ASTE1: variants seen among roughly 807,000 people sequenced by gnomAD.
ASTE1 encodes asteroid structure-specific endonuclease 1.
ASTE1 carries 49 observed loss-of-function variants against 45.8 expected under a neutral mutation model. The observed-to-expected ratio is 1.07, with a 90% confidence interval of 0.85 to 1.36. ASTE1 has a LOEUF of 1.36. Among genes scored for constraint, ASTE1 ranks in the 40% most tolerant of loss-of-function variants. The pLI, the probability that ASTE1 is intolerant of heterozygous loss-of-function variation, is 0.00. For synonymous variants in ASTE1, 296 were observed against 303.9 expected, an observed-to-expected ratio of 0.97 and a Z score of 0.27; for missense variants, 709 against 804.0, an observed-to-expected ratio of 0.88 and a Z score of 1.43.
intron 1 of ASTE1, chr3:131,026,240 C>G (rs1368377040): frequency 6.6e-6 from 1 of 152,232 alleles, no homozygotes; most frequent in African/African-American, 2.4e-5. Flanking sequence ...TTATCTCACC[C>G]TAGTTCCAGC....
chr3:131,024,006 T>A lies in ASTE1; in HGVS notation c.1301A>T (p.Glu434Val). 1 of 1,582,608 alleles carries A rather than the reference T, an allele frequency of 6.3e-7. No individual in the cohort carries two copies. The highest frequency in any genetic ancestry group is 2.2e-5 in the East Asian group (1 of 44,458). The part of the protein sequence containing the change: ...KDHSDLSRLT[E>V]LSLRRRQMLL... Reference sequence around the variant, plus strand: ...TTCATTAGTATTACAAATACTTACCTCAGTCAATCTGCTTAAGTCAGAATG... The same window carrying A: ...TTCATTAGTATTACAAATACTTACCACAGTCAATCTGCTTAAGTCAGAATG... The change falls in exon 3 of 6, where the codon GAG (glutamate) becomes GTG (valine). Residue 434 changes from glutamate (E) to valine (V), a missense_variant and splice_region_variant. Glu to Val is a moderately radical substitution (Grantham distance 121, BLOSUM62 -2). Coordinates refer to ENST00000264992, the MANE Select transcript of ASTE1 (RefSeq NM_014065.4).
At chr3:131,017,552 T>G (rs1251519338) in intron 4 of ASTE1, among the ~76,000 whole-genome samples, 1 of 152,202 alleles carries the variant, frequency 6.6e-6, no homozygotes, top group Non-Finnish European at 1.5e-5. Context: ...TTATGCATGT[T>G]TATACAGTGT....
chr3:131,021,040 T>G (rs1293994143), intron 3 of ASTE1, among the ~76,000 whole-genome samples: 1 of 152,224 alleles, frequency 6.6e-6, no homozygotes, highest in African/African-American at 2.4e-5. Context: ...AAAAACATTT[T>G]CATGACCGTG....
intron 3 of ASTE1, among the ~76,000 whole-genome samples, chr3:131,023,273 T>C (rs1450323429): frequency 6.6e-6 from 1 of 152,182 alleles, no homozygotes; most frequent in African/African-American, 2.4e-5. Flanking sequence ...GGCATTGCAA[T>C]TGTTTTTTTT....
At chr3:131,017,310 A>ATTCT (rs2063664337) in intron 4 of ASTE1, among the ~76,000 whole-genome samples, 1 of 152,224 alleles carries the variant, frequency 6.6e-6, no homozygotes, top group Non-Finnish European at 1.5e-5. Flanking sequence ...ATGCTGTTTC[A>ATTCT]TTCTTTTATC....
chr3:131,015,229 CTCAT>C, intron 5 of ASTE1: 1 of 702,204 alleles, frequency 1.4e-6, no homozygotes, highest in South Asian at 1.5e-5. Flanking sequence ...TCCATATATC[CTCAT>C]TCAAAGTATT....
At position 131,014,149 on chromosome 3, in the gene ASTE1, G is replaced by A. The variant is rs2063462345; in HGVS notation, c.1948C>T (p.His650Tyr). Residue 650 changes from histidine to tyrosine, a missense_variant, in exon 6 of 6, where the codon CAC becomes TAC. Coordinates refer to ENST00000264992, the MANE Select transcript of ASTE1 (RefSeq NM_014065.4). ...CSKNRGRTTA[H>Y]TKCWYEGNNR... is the part of the protein sequence containing the mutation. ...TTTCCCTCATACCAACACTTGGTGTGTGCAGTGGTTCTCCCTCTGTTCTTA... is the reference window on the plus strand; with the variant it reads ...TTTCCCTCATACCAACACTTGGTGTATGCAGTGGTTCTCCCTCTGTTCTTA... The A allele has an allele frequency of 1.2e-6, 2 of 1,613,362 alleles. No homozygotes were observed. Among genetic ancestry groups the A allele is most frequent in the Non-Finnish European group, 1.7e-6 (2 of 1,179,924 alleles).
In ASTE1 at chr3:131,024,985, C is replaced by T; in HGVS notation, c.322G>A (p.Val108Ile). Residue 108 changes from valine (V) to isoleucine (I), a missense_variant, in exon 3 of 6, where the codon GTT (valine) becomes ATT (isoleucine). Coordinates refer to ENST00000264992, the MANE Select transcript of ASTE1 (RefSeq NM_014065.4). ...GGACATACGTACCCACTCCCACCAA[C>T]AGAAAGGGAATGGGCCATCTGGATC... ...EKIQMAHSLS[V>I]GGSGYVCPLL... 1 of 1,601,664 alleles carries T rather than the reference C, an allele frequency of 6.2e-7. No homozygotes were observed. Among genetic ancestry groups the T allele is most frequent in the East Asian group, 2.2e-5 (1 of 44,788 alleles).
Position 131,014,282 on chromosome 3 carries a change from T to C in ASTE1, c.1815A>G (p.Glu605=), listed in dbSNP as rs1003126791. Residue 605 remains glutamate (E), a synonymous_variant, in exon 6 of 6, where the codon GAA becomes GAG. Coordinates refer to ENST00000264992, the MANE Select transcript of ASTE1 (RefSeq NM_014065.4). ...SICPEAKQLY[E]YLFNATRSYA... The stretch of plus-strand genomic sequence containing the variant: ...ATGACCTTGTGGCATTGAATAGATA[T>C]TCATAAAGTTGCTTAGCCTCAGGAC... 14 of 1,613,962 alleles carry C rather than the reference T, an allele frequency of 8.7e-6. No homozygotes were observed. The highest frequency in any genetic ancestry group is 1.3e-5 in the African/African-American group (1 of 74,898).
At position 131,025,053 on chromosome 3, in the gene ASTE1, G is replaced by A. The variant is rs116662252; in HGVS notation, c.254C>T (p.Ser85Leu). Residue 85 changes from serine (S) to leucine (L), a missense_variant, in exon 3 of 6, where the codon TCA becomes TTA. Transcript: ENST00000264992. ...CTTTAAAGTTGTAAGCTTTTTATCT[G>A]AAATGTCACATCCTCCATCTAATAC... ...YVVLDGGCDI[S>L]DKKLTTLKDR... The A allele has an allele frequency of 1.2e-6, 2 of 1,606,486 alleles. No individual in the cohort carries two copies. Among genetic ancestry groups the A allele is most frequent in the South Asian group, 2.2e-5 (2 of 89,976 alleles).
intron 4 of ASTE1, among the ~76,000 whole-genome samples, chr3:131,018,034 T>TA (rs1394645151): frequency 7.6e-5 from 11 of 144,244 alleles, no homozygotes; most frequent in African/African-American, 2.5e-4. Flanking sequence ...ACTTACATAC[T>TA]AATTGAAACC....
At position 131,016,190 on chromosome 3, in the gene ASTE1, G is replaced by A. The variant is rs2063625817; in HGVS notation, c.1663C>T (p.Leu555Phe). 6.2e-7 allele frequency: 1 copy of A among 1,614,012 alleles called. No homozygotes were observed. Among genetic ancestry groups the A allele is most frequent in the African/African-American group, 1.3e-5 (1 of 74,908 alleles). ...AGAGGAGTGGACAGCAGCTGGTTGA[G>A]ATACATCCCCATCTGGAGACAGGAC... ...WQSCLQMGMY[L>F]NQLLSTPLPE... The change falls in exon 5 of 6, where the codon CTC becomes TTC. Residue 555 changes from leucine to phenylalanine, a missense_variant. By Grantham distance (22) the Leu-to-Phe change is conservative. Coordinates refer to ENST00000264992, the MANE Select transcript of ASTE1 (RefSeq NM_014065.4).
At chr3:131,015,215 T>A in intron 5 of ASTE1, 1 of 702,468 alleles carries the variant, frequency 1.4e-6, no homozygotes. Context: ...ATATTTTGTA[T>A]GCGTCCATAT....
chr3:131,017,407 A>G (rs1476184846), intron 4 of ASTE1, among the ~76,000 whole-genome samples: 1 of 152,256 alleles, frequency 6.6e-6, no homozygotes, highest in African/African-American at 2.4e-5. Flanking sequence ...GCCTATAGCC[A>G]TATGTAACTA....
chr3:131,017,352 C>T (rs889150702), intron 4 of ASTE1, among the ~76,000 whole-genome samples: 8 of 152,166 alleles, frequency 5.3e-5, no homozygotes, highest in African/African-American at 1.2e-4. Flanking sequence ...TAGAGTAGCA[C>T]GATCTAATAG....
chr3:131,020,885 C>T (rs1166230765), intron 3 of ASTE1, among the ~76,000 whole-genome samples: 1 of 152,122 alleles, frequency 6.6e-6, no homozygotes, highest in Admixed American at 6.5e-5. Flanking sequence ...CTCTACTTAG[C>T]AAGGAATATA....
chr3:131,014,498 GC>G, intron 5 of ASTE1, 111 bp from the exon 6 acceptor site: 16 of 1,013,482 alleles, frequency 1.6e-5, no homozygotes, highest in Non-Finnish European at 2.1e-5. Context: ...AGCTCTTATT[GC>G]TCTATAATAT....
chr3:131,025,680 A>G, intron 1 of ASTE1, 86 bp from the exon 2 acceptor site: 1 of 199,478 alleles, frequency 5.0e-6, no homozygotes, highest in Non-Finnish European at 1.0e-5. Context: ...AATAGTCAAC[A>G]TCTTACAGCA....
chr3:131,025,403 A>T (rs890265626), intron 2 of ASTE1, 71 bp downstream of exon 2: 2 of 1,507,422 alleles, frequency 1.3e-6, no homozygotes, highest in African/African-American at 2.8e-5. Context: ...TTCCAGCACC[A>T]TTAAATCAAT....
Sources: allele counts gnomAD v4.1 joint callset (sites outside exome capture counted in the v4.1 genomes callset), GRCh38; gene constraint gnomAD v4.1.1; transcripts MANE v1.5; gene names NCBI Gene and HGNC (gene_info 2026-07-23, HGNC 2026-07-21).